Variants in HLCS observed in about 807,000 individuals in gnomAD.
The protein encoded by HLCS is holocarboxylase synthetase.
In HLCS, 53 loss-of-function variants were observed where a neutral mutation model predicts 75.0. The observed-to-expected ratio is 0.71, with a 90% CI of 0.57 to 0.89. HLCS has a LOEUF of 0.89. Ranked by LOEUF, HLCS falls within the 40% of genes least tolerant of loss-of-function variation. HLCS has a pLI of 0.00. For missense variants in HLCS, 966 were observed against 1,074.0 expected (o/e 0.90, Z 1.41); for synonymous variants, 431 against 428.6 (o/e 1.01, Z -0.07).
At chr21:36,982,321 C>A (rs1309511975) in intron 1 of HLCS, among the ~76,000 whole-genome samples, 1 of 152,202 alleles carries the variant, frequency 6.6e-6, no homozygotes, top group Non-Finnish European at 1.5e-5. Flanking sequence ...ATCCACTCGT[C>A]TCCTGGAGCC....
intron 6 of HLCS, among the ~76,000 whole-genome samples, chr21:36,862,099 A>T (rs1274503776): frequency 6.6e-6 from 1 of 152,260 alleles, no homozygotes; most frequent in African/African-American, 2.4e-5. Flanking sequence ...TTCAAGGTTC[A>T]TCCATGGTAC....
chr21:36,970,243 T>C (rs1194347630), upstream of HLCS, among the ~76,000 whole-genome samples: 1 of 152,144 alleles, frequency 6.6e-6, no homozygotes, highest in Non-Finnish European at 1.5e-5. Flanking sequence ...CTTGTTTTGT[T>C]TGTTTTTGAG....
chr21:36,952,472 G>A (rs2067712357), intron 2 of HLCS, among the ~76,000 whole-genome samples: 1 of 152,100 alleles, frequency 6.6e-6, no homozygotes, highest in African/African-American at 2.4e-5. Flanking sequence ...TGTTGGGAAG[G>A]CATTCTCCTA....
chr21:36,885,023 G>T (rs996992827), intron 6 of HLCS, among the ~76,000 whole-genome samples: 2 of 152,062 alleles, frequency 1.3e-5, no homozygotes, highest in African/African-American at 4.8e-5. Flanking sequence ...AAAAAGAGAA[G>T]GTTCAATGAA....
intron 2 of HLCS, among the ~76,000 whole-genome samples, chr21:36,945,518 C>T (rs1389427355): frequency 2.0e-5 from 3 of 152,196 alleles, no homozygotes; most frequent in Admixed American, 1.3e-4. Flanking sequence ...ACAACGTGGA[C>T]GAATCTCGAA....
chr21:36,956,716 C>T lies in HLCS; in HGVS notation c.330+5320G>A, dbSNP rs190334802. On this transcript the variant is annotated intron_variant, in intron 2 of 10. Coordinates refer to ENST00000674895, the MANE Select transcript of HLCS (RefSeq NM_001352514.2). ...CTGCACTCTAGCCTAGGCAACAGAG[C>T]GAGACTCCGTCTCAAAAATAAATAA... 7.7e-4 allele frequency among the ~76,000 whole-genome samples: 117 copies of T among 151,852 alleles called. 3 individuals carry two copies. Among genetic ancestry groups the T allele is most frequent in the Admixed American group, 6.4e-3 (98 of 15,236 alleles).
At chr21:36,901,676 G>A (rs1252533018) in intron 5 of HLCS, among the ~76,000 whole-genome samples, 2 of 152,154 alleles carry the variant, frequency 1.3e-5, no homozygotes, top group African/African-American at 4.8e-5. Flanking sequence ...TCATCACATG[G>A]CGTTCTCCTC....
intron 6 of HLCS, among the ~76,000 whole-genome samples, chr21:36,792,949 C>T (rs1457659457): frequency 6.6e-6 from 1 of 152,180 alleles, no homozygotes; most frequent in Non-Finnish European, 1.5e-5. Context: ...CTCTGCCCAT[C>T]ACCCCATCCA....
At chr21:36,829,938 C>T (rs1319185590) in intron 6 of HLCS, among the ~76,000 whole-genome samples, 1 of 152,180 alleles carries the variant, frequency 6.6e-6, no homozygotes, top group Non-Finnish European at 1.5e-5. Flanking sequence ...GAACTGTGTC[C>T]CCCTAAAAAT....
chr21:36,765,227 G>A (rs1252965077), intron 7 of HLCS, 55 bp from the exon 8 acceptor site: 1 of 1,545,952 alleles, frequency 6.5e-7, no homozygotes, highest in African/African-American at 1.4e-5. Flanking sequence ...GACAGACGCA[G>A]ACACACGTCA....
At chr21:36,797,502 G>C (rs1268159728) in intron 6 of HLCS, among the ~76,000 whole-genome samples, 2 of 152,050 alleles carry the variant, frequency 1.3e-5, no homozygotes, top group African/African-American at 4.8e-5. Context: ...TAATCAATGG[G>C]CTGTGCATCA....
chr21:36,786,969 C>T (rs563177377), intron 6 of HLCS, among the ~76,000 whole-genome samples: 4 of 152,154 alleles, frequency 2.6e-5, no homozygotes, highest in Admixed American at 2.6e-4. Flanking sequence ...GTGGTCGGGG[C>T]CCAGCACACC....
intron 6 of HLCS, among the ~76,000 whole-genome samples, chr21:36,870,421 T>A (rs2063729730): frequency 6.6e-6 from 1 of 152,224 alleles, no homozygotes; most frequent in African/African-American, 2.4e-5. Flanking sequence ...ATTACTTGCA[T>A]GATTTTCACT....
intron 6 of HLCS, among the ~76,000 whole-genome samples, chr21:36,869,430 C>T (rs1269402454): frequency 6.6e-6 from 1 of 152,178 alleles, no homozygotes; most frequent in Non-Finnish European, 1.5e-5. Flanking sequence ...CCGTGCCCAG[C>T]CCAAACGATG....
rs1027077531 is a variant in HLCS at position 36,806,422 on chromosome 21, T to C, written c.1893-39137A>G. On this transcript the variant is annotated intron_variant, in intron 6 of 10. Transcript: ENST00000674895. ...CCCTGCTCTGGACTCTAGATCACAA[T>C]GAAGCCACATCTTTCTACAACTTTT... 3.3e-5 allele frequency: 5 copies of C among 151,992 alleles called. No homozygotes were observed. The East Asian group carries it at 9.7e-4, about 29-fold the overall frequency. 9.4% of individuals were successfully genotyped at this position (151,992 alleles called of 1,614,324 possible).
At chr21:36,980,210 A>AAAAT (rs3035147) in intron 1 of HLCS, among the ~76,000 whole-genome samples, 26 of 151,216 alleles carry the variant, frequency 1.7e-4, no homozygotes, top group African/African-American at 6.3e-4. Flanking sequence ...AAAAAAAAAA[A>AAAAT]TAGGAAGAAA....
rs149325316 is a variant in HLCS at position 36,813,745 on chromosome 21, G to A, written c.1893-46460C>T. On this transcript the variant is annotated intron_variant, in intron 6 of 10. Coordinates refer to ENST00000674895, the MANE Select transcript of HLCS (RefSeq NM_001352514.2). ...AGTTTCATTGCTTTGGGGCATTTTCGTCAAACTCCATCATCTGGAAGTACC... is the reference window on the plus strand; with the variant it reads ...AGTTTCATTGCTTTGGGGCATTTTCATCAAACTCCATCATCTGGAAGTACC... Among the ~76,000 whole-genome samples, 34 of 152,206 alleles carry A rather than the reference G, an allele frequency of 2.2e-4. 1 individual carries two copies. Among genetic ancestry groups the A allele is most frequent in the Middle Eastern group, 6.8e-3 (2 of 294 alleles).
chr21:36,836,200 C>T (rs890011924), intron 6 of HLCS, among the ~76,000 whole-genome samples: 9 of 151,964 alleles, frequency 5.9e-5, no homozygotes, highest in Admixed American at 1.3e-4. Context: ...TGGTAAGGGC[C>T]GATGTCCTTC....
intron 6 of HLCS, among the ~76,000 whole-genome samples, chr21:36,860,783 A>G (rs1167680635): frequency 2.0e-5 from 3 of 152,252 alleles, no homozygotes; most frequent in African/African-American, 7.2e-5. Context: ...AGTTTAGGGT[A>G]ATAAATGTTT....
Sources: allele counts gnomAD v4.1 joint callset (sites outside exome capture counted in the v4.1 genomes callset), GRCh38; gene constraint gnomAD v4.1.1; transcripts MANE v1.5; gene names NCBI Gene and HGNC (gene_info 2026-07-23, HGNC 2026-07-21).